DLG2: variants seen among roughly 807,000 people sequenced by gnomAD.
The protein encoded by DLG2 is discs large MAGUK scaffold protein 2.
DLG2 carries 45 observed loss-of-function variants against 132.5 expected under a neutral mutation model. That is an observed-to-expected ratio of 0.34 (90% confidence interval 0.27 to 0.44). The LOEUF (loss-of-function observed/expected upper bound fraction) is 0.44, where lower values mean the gene tolerates loss of function less well. Among genes scored for constraint, DLG2 ranks in the 20% least tolerant of loss-of-function variants. DLG2 has a pLI of 1.00. For missense variants in DLG2, 1,045 were observed against 1,196.9 expected, an observed-to-expected ratio of 0.87 and a Z score of 1.87; for synonymous variants, 424 against 419.6, an observed-to-expected ratio of 1.01 and a Z score of -0.13.
intron 6 of DLG2, among the ~76,000 whole-genome samples, chr11:84,972,863 G>C (rs1219634112): frequency 6.6e-6 from 1 of 152,004 alleles, no homozygotes; most frequent in Non-Finnish European, 1.5e-5. Flanking sequence ...AGACTTAGCA[G>C]GCAGACTGCC....
At chr11:84,131,401 T>C (rs1054115656) in intron 9 of DLG2, among the ~76,000 whole-genome samples, 3 of 152,032 alleles carry the variant, frequency 2.0e-5, no homozygotes, top group Non-Finnish European at 2.9e-5. Context: ...AATGTTTATA[T>C]ATACATACAT....
chr11:84,138,475 C>T (rs1213783784), intron 9 of DLG2, among the ~76,000 whole-genome samples: 1 of 152,148 alleles, frequency 6.6e-6, no homozygotes. Flanking sequence ...TAATGTCGAT[C>T]AAACCAAACA....
intron 4 of DLG2, among the ~76,000 whole-genome samples, chr11:85,177,656 A>G (rs1476436972): frequency 6.6e-6 from 1 of 152,078 alleles, no homozygotes; most frequent in African/African-American, 2.4e-5. Context: ...CACATCCTAC[A>G]TATATACCCC....
chr11:85,505,212 T>G (rs1598048194), intron 3 of DLG2, among the ~76,000 whole-genome samples: 1 of 152,324 alleles, frequency 6.6e-6, no homozygotes, highest in Admixed American at 6.5e-5. Context: ...TACCCTTTAT[T>G]TCTTTCTACT....
At chr11:84,588,368 A>T (rs767004371) in intron 6 of DLG2, among the ~76,000 whole-genome samples, 1 of 152,090 alleles carries the variant, frequency 6.6e-6, no homozygotes, top group Non-Finnish European at 1.5e-5. Flanking sequence ...ATGAATCATC[A>T]TTCTTTTGTA....
intron 15 of DLG2, among the ~76,000 whole-genome samples, chr11:83,891,550 C>A (rs1167002653): frequency 6.6e-6 from 1 of 152,104 alleles, no homozygotes; most frequent in Non-Finnish European, 1.5e-5. Context: ...TATAAAACAG[C>A]TGGAAAAGGG....
chr11:83,935,427 T>C (rs900200675), intron 14 of DLG2, among the ~76,000 whole-genome samples: 1 of 152,200 alleles, frequency 6.6e-6, no homozygotes, highest in Non-Finnish European at 1.5e-5. Flanking sequence ...TGGCTCAACA[T>C]GTGAAATGAC....
intron 7 of DLG2, among the ~76,000 whole-genome samples, chr11:84,347,413 A>G (rs989819134): frequency 6.6e-6 from 1 of 152,188 alleles, no homozygotes; most frequent in African/African-American, 2.4e-5. Flanking sequence ...AATTCTGCCC[A>G]TTGATATTTG....
chr11:84,332,280 T>C (rs2098463955), intron 7 of DLG2, among the ~76,000 whole-genome samples: 2 of 151,172 alleles, frequency 1.3e-5, no homozygotes, highest in South Asian at 4.2e-4. Context: ...GGCGCGATCT[T>C]GGCTCACTGC....
chr11:85,600,255 A>T (rs1002794394), intron 2 of DLG2, among the ~76,000 whole-genome samples: 6 of 152,062 alleles, frequency 3.9e-5, no homozygotes, highest in African/African-American at 1.4e-4. Context: ...TTACTCAAGG[A>T]AATTGTTCCA....
intron 8 of DLG2, among the ~76,000 whole-genome samples, chr11:84,226,089 G>T (rs1179144631): frequency 6.6e-6 from 1 of 152,196 alleles, no homozygotes; most frequent in Non-Finnish European, 1.5e-5. Flanking sequence ...GGGATTACAG[G>T]CGTGAGCTGC....
rs144670107 is a variant in DLG2 at position 84,480,528 on chromosome 11, TAAGTTTTACAAAAA to T, written c.519+54028_519+54041del. On this transcript the variant is annotated intron_variant, in intron 7 of 27. Coordinates refer to ENST00000376104, the MANE Select transcript of DLG2 (RefSeq NM_001142699.3). The stretch of plus-strand genomic sequence containing the variant: ...GTTTCAGAAAGATATAACTAAAACA[TAAGTTTTACAAAAA>T]AAGAAAAAAAGAAAGAAAAAAATGG... Among the ~76,000 whole-genome samples, 966 of 151,956 alleles carry T rather than the reference TAAGTTTTACAAAAA, an allele frequency of 6.4e-3. 11 individuals carry two copies. The highest frequency in any genetic ancestry group is 0.023 in the African/African-American group (942 of 41,448).
intron 8 of DLG2, among the ~76,000 whole-genome samples, chr11:84,176,488 T>C (rs1318154394): frequency 2.0e-5 from 3 of 151,090 alleles, no homozygotes; most frequent in African/African-American, 7.3e-5. Context: ...ACAGAAGACC[T>C]GACTTACCCT....
intron 6 of DLG2, among the ~76,000 whole-genome samples, chr11:84,807,907 C>T (rs530666145): frequency 6.6e-6 from 1 of 152,132 alleles, no homozygotes; most frequent in Non-Finnish European, 1.5e-5. Flanking sequence ...TAATTGGAGA[C>T]TTCAACACTC....
Position 83,918,179 on chromosome 11 carries a change from C to T in DLG2, c.1496+12149G>A, listed in dbSNP as rs189008379. Among the ~76,000 whole-genome samples, 250 of 152,184 alleles carry T rather than the reference C, an allele frequency of 1.6e-3. 1 individual carries two copies. The highest frequency in any genetic ancestry group is 5.7e-3 in the African/African-American group (238 of 41,520). On this transcript the variant is annotated intron_variant, in intron 15 of 27. Transcript: ENST00000376104. ...AAAGAGGTCTCACTGTGGGCTAAAG[C>T]AAGAACATGAGATACATTAGGGGGC...
intron 10 of DLG2, among the ~76,000 whole-genome samples, chr11:84,086,295 G>T (rs1268592387): frequency 6.6e-6 from 1 of 151,930 alleles, no homozygotes; most frequent in Non-Finnish European, 1.5e-5. Context: ...TTTGTAAATG[G>T]GGATATTTAT....
At chr11:83,825,971 G>T (rs969090234) in intron 17 of DLG2, among the ~76,000 whole-genome samples, 16 of 152,310 alleles carry the variant, frequency 1.1e-4, no homozygotes, top group African/African-American at 3.9e-4. Flanking sequence ...TGAAGCATCA[G>T]TGAGAGTAGG....
chr11:83,914,772 T>C (rs1590910761), intron 15 of DLG2, among the ~76,000 whole-genome samples: 1 of 152,174 alleles, frequency 6.6e-6, no homozygotes, highest in Admixed American at 6.6e-5. Context: ...ACAATCTGAA[T>C]GGTAAGTGTA....
intron 18 of DLG2, 102 bp from the exon 19 acceptor site, chr11:83,633,427 G>T: frequency 1.2e-6 from 1 of 846,076 alleles, no homozygotes; most frequent in Non-Finnish European, 2.0e-6. Flanking sequence ...TGGTTCCTTT[G>T]CCAAACAATG....
Sources: gnomAD v4.1 joint callset for allele counts (sites outside exome capture counted in the v4.1 genomes callset) on GRCh38, gnomAD v4.1.1 for gene constraint, MANE v1.5 for transcripts, NCBI Gene and HGNC (gene_info 2026-07-23, HGNC 2026-07-21) for gene names.